The following ADGRD1 variants were observed in gnomAD, a reference collection of about 807,000 sequenced individuals.
ADGRD1 encodes G-protein coupled receptor 133.
ADGRD1 carries 77 observed loss-of-function variants against 113.4 expected under a neutral mutation model. The observed-to-expected ratio is 0.68, with a 90% CI of 0.57 to 0.82. The LOEUF (loss-of-function observed/expected upper bound fraction) is 0.82, where lower values mean the gene tolerates loss of function less well. Ranked by LOEUF, ADGRD1 falls within the 40% of genes least tolerant of loss-of-function variation. ADGRD1 has a pLI of 0.00. For missense variants in ADGRD1, 1,036 were observed against 1,139.1 expected, an observed-to-expected ratio of 0.91 and a Z score of 1.30; for synonymous variants, 474 against 475.0, an observed-to-expected ratio of 1.00 and a Z score of 0.03.
chr12:130,995,923 G>T (rs980342896), intron 8 of ADGRD1, among the ~76,000 whole-genome samples: 1 of 152,098 alleles, frequency 6.6e-6, no homozygotes, highest in African/African-American at 2.4e-5. Context: ...AGGACCCTGC[G>T]GCCTTCCGCA....
intron 15 of ADGRD1, among the ~76,000 whole-genome samples, chr12:131,102,321 G>T (rs960907801): frequency 2.0e-5 from 3 of 152,184 alleles, no homozygotes; most frequent in African/African-American, 7.2e-5. Context: ...TTCCATTGCC[G>T]AGAATGCTGC....
At chr12:130,993,372 T>TTTCATTCA (rs55716628) in intron 8 of ADGRD1, among the ~76,000 whole-genome samples, 39,973 of 140,974 alleles carry the variant, frequency 0.28, 6,082 homozygotes, top group Non-Finnish European at 0.31. Context: ...ACTTCTCAGA[T>TTTCATTCA]TTCATTCATT....
At chr12:131,102,198 A>G (rs1950103426) in intron 15 of ADGRD1, among the ~76,000 whole-genome samples, 1 of 152,222 alleles carries the variant, frequency 6.6e-6, no homozygotes, top group Non-Finnish European at 1.5e-5. Flanking sequence ...CTGGAGTGTC[A>G]CACACTTAGC....
chr12:130,974,859 C>T lies in ADGRD1; in HGVS notation c.310+3279C>T, dbSNP rs1872124361. 2.0e-5 allele frequency among the ~76,000 whole-genome samples: 3 copies of T among 152,198 alleles called. No homozygotes were observed. In the South Asian group the frequency reaches 6.2e-4, roughly 32 times the overall value. ...CCCTCCACCCCTGCTTCTTCCAGAG[C>T]CTCTCTGCTGCTTGTCTGCCTGCCT... is the stretch of plus-strand genomic sequence containing the variant. On this transcript the variant is annotated intron_variant, in intron 4 of 24. Transcript: ENST00000261654.
intron 13 of ADGRD1, among the ~76,000 whole-genome samples, 198 bp downstream of exon 13, chr12:131,014,538 T>C (rs146519258): frequency 2.2e-4 from 34 of 152,338 alleles, no homozygotes; most frequent in African/African-American, 7.9e-4. Flanking sequence ...GCATAGTGCC[T>C]GGGCTGGCCA....
chr12:131,073,341 C>T (rs1885327001), intron 13 of ADGRD1, among the ~76,000 whole-genome samples: 1 of 152,218 alleles, frequency 6.6e-6, no homozygotes, highest in East Asian at 1.9e-4. Flanking sequence ...AAAGGTGGGA[C>T]ATTTCAAGCA....
In ADGRD1 at chr12:130,981,975, C is replaced by CA. The variant is rs769088471; in HGVS notation, c.405dup (p.Val136SerfsTer57). 3.4e-5 allele frequency: 55 copies of CA among 1,613,600 alleles called. No individual in the cohort carries two copies. The highest frequency in any genetic ancestry group is 4.5e-5 in the Non-Finnish European group (53 of 1,179,668). On this transcript the variant is annotated frameshift_variant, in exon 5 of 25. Transcript: ENST00000261654. LOFTEE classifies it high-confidence loss of function. ...GGGGACAGGTCATCTCCAATGGGTT[C>CA]AAAGTCTGCTCCAGCGGTGGCAGAG...
chr12:130,960,847 G>A (rs1870263893), intron 2 of ADGRD1, among the ~76,000 whole-genome samples: 1 of 152,198 alleles, frequency 6.6e-6, no homozygotes, highest in Non-Finnish European at 1.5e-5. Context: ...GAAAGAAAGA[G>A]TGGATGGTGG....
At chr12:131,114,728 G>A (rs1036519590) in intron 18 of ADGRD1, among the ~76,000 whole-genome samples, 3 of 148,176 alleles carry the variant, frequency 2.0e-5, no homozygotes, top group African/African-American at 7.3e-5. Flanking sequence ...GGAAACTGAG[G>A]TGGGGTGGGG....
At chr12:131,080,159 A>T (rs945023459) in intron 14 of ADGRD1, among the ~76,000 whole-genome samples, 1 of 151,988 alleles carries the variant, frequency 6.6e-6, no homozygotes, top group African/African-American at 2.4e-5. Flanking sequence ...ACACATTTTG[A>T]TATGTTTTTA....
chr12:131,012,103 C>T (rs776555067), intron 12 of ADGRD1, among the ~76,000 whole-genome samples: 10 of 152,030 alleles, frequency 6.6e-5, no homozygotes, highest in Non-Finnish European at 1.3e-4. Context: ...CCCGGGTCTG[C>T]GGCTCTGCAG....
chr12:131,076,992 T>C (rs908731101), intron 14 of ADGRD1, 118 bp downstream of exon 14: 1 of 868,190 alleles, frequency 1.2e-6, no homozygotes, highest in African/African-American at 1.6e-5. Context: ...GGTTGCGTTA[T>C]GCGAAAATGC....
chr12:131,014,367 C>T (rs578020022), intron 13 of ADGRD1, 27 bp downstream of exon 13: 80 of 1,596,132 alleles, frequency 5.0e-5, no homozygotes, highest in Admixed American at 1.9e-4. Context: ...TCACCCTTGT[C>T]GCCGCCTTTG....
At position 131,083,150 on chromosome 12, in the gene ADGRD1, A is replaced by C. The variant is rs373305609; in HGVS notation, c.1548-1390A>C. Among the ~76,000 whole-genome samples, 6 of 152,330 alleles carry C rather than the reference A, an allele frequency of 3.9e-5. No homozygotes were observed. The East Asian group carries it at 5.8e-4, about 15-fold the overall frequency. ...GACACCGCAGTTGAAAGTGAATTCA[A>C]AGCAAATACAAACTAGAGCCTTTTA... is the stretch of plus-strand genomic sequence containing the variant. On this transcript the variant is annotated intron_variant, in intron 14 of 24. Coordinates refer to ENST00000261654, the MANE Select transcript of ADGRD1 (RefSeq NM_198827.5).
At chr12:131,004,473 G>A (rs762180897) in intron 11 of ADGRD1, among the ~76,000 whole-genome samples, 177 bp downstream of exon 11, 23 of 148,578 alleles carry the variant, frequency 1.5e-4, no homozygotes, top group South Asian at 4.2e-4. Context: ...GTGGGCAGCC[G>A]TTCTCAAAGC....
At chr12:130,994,778 T>C (rs1233491290) in intron 8 of ADGRD1, among the ~76,000 whole-genome samples, 1 of 152,250 alleles carries the variant, frequency 6.6e-6, no homozygotes, top group Non-Finnish European at 1.5e-5. Context: ...CAGCCTCCGC[T>C]CTCTGCCAGA....
chr12:130,961,021 C>T (rs989692861), intron 2 of ADGRD1, among the ~76,000 whole-genome samples: 3 of 152,164 alleles, frequency 2.0e-5, no homozygotes, highest in Non-Finnish European at 2.9e-5. Context: ...GAGGATGGAG[C>T]CACGAAGCCA....
intron 2 of ADGRD1, chr12:130,957,614 G>C (rs1869811048): frequency 6.6e-6 from 1 of 152,216 alleles, no homozygotes; most frequent in African/African-American, 2.4e-5. Context: ...TTGCATTTTT[G>C]TATCTAAACT....
At chr12:131,120,727 G>T in intron 19 of ADGRD1, 120 bp from the exon 20 acceptor site, 1 of 885,992 alleles carries the variant, frequency 1.1e-6, no homozygotes, top group South Asian at 1.3e-5. Flanking sequence ...AATGTTGTAT[G>T]ACTGCCCCAG....
Sources: allele counts gnomAD v4.1 joint callset (sites outside exome capture counted in the v4.1 genomes callset), GRCh38; gene constraint gnomAD v4.1.1; transcripts MANE v1.5; gene names NCBI Gene and HGNC (gene_info 2026-07-23, HGNC 2026-07-21).